The following TEX11 variants were observed in gnomAD, a reference collection of about 807,000 sequenced individuals.
TEX11 encodes the protein testis-expressed protein 11.
A neutral mutation model predicts 84.4 loss-of-function variants in TEX11; 7 were observed. That is an observed-to-expected ratio of 0.08 (90% CI 0.05 to 0.16). The LOEUF is 0.16. Ranked by LOEUF, TEX11 falls within the 10% of genes least tolerant of loss-of-function variation. TEX11 has a pLI of 1.00. For synonymous variants in TEX11, 264 were observed against 222.8 expected (o/e 1.18, Z -1.64); for missense variants, 551 against 660.5 (o/e 0.83, Z 1.82).
rs766158578 is a variant in TEX11, at chrX:70,553,431, A to T, written c.2291-17T>A. On this transcript the variant is annotated splice_polypyrimidine_tract_variant and intron_variant, in intron 26 of 29. Coordinates refer to ENST00000374333, the MANE Select transcript of TEX11 (RefSeq NM_031276.3). Reference sequence around the variant, plus strand: ...TTGCTATTACTAGAGTAAGAAAAGGAAAAAGGTTGTGAACATGATAATGTC... The same window carrying T: ...TTGCTATTACTAGAGTAAGAAAAGGTAAAAGGTTGTGAACATGATAATGTC... 1 of 1,114,182 alleles carries T rather than the reference A, an allele frequency of 9.0e-7. No individual in the cohort carries two copies. The highest frequency in any genetic ancestry group is 2.0e-5 in the South Asian group (1 of 49,152). The allele number at this position is 1,114,182 out of a possible 1,213,427, so 91.8% of individuals were successfully genotyped here.
chrX:70,883,633 G>T (rs971797099), intron 2 of TEX11, among the ~76,000 whole-genome samples: 11 of 111,305 alleles, frequency 9.9e-5, no homozygotes, highest in Non-Finnish European at 1.5e-4. Flanking sequence ...CTGTATTAAG[G>T]TTTTGTCAAG....
At chrX:70,705,802 G>A (rs1317004458) in intron 13 of TEX11, among the ~76,000 whole-genome samples, 1 of 111,433 alleles carries the variant, frequency 9.0e-6, no homozygotes, top group African/African-American at 3.3e-5. Context: ...AAAAAGTCAG[G>A]AAACAACAGG....
chrX:70,675,818 C>T (rs1336976210), intron 15 of TEX11, among the ~76,000 whole-genome samples: 6 of 110,829 alleles, frequency 5.4e-5, no homozygotes, highest in African/African-American at 1.6e-4. Flanking sequence ...TTAGTAGAGA[C>T]GGGGTTTCAC....
chrX:70,573,653 C>T (rs1050107788), intron 25 of TEX11, among the ~76,000 whole-genome samples: 1 of 111,267 alleles, frequency 9.0e-6, no homozygotes, highest in African/African-American at 3.3e-5. Context: ...GCAAAGACTG[C>T]CTGCAAAGGA....
rs1485083458 is a variant in TEX11 at position 70,528,965 on chromosome X, A to G, written c.*130T>C. 6 of 488,406 alleles carry G rather than the reference A, an allele frequency of 1.2e-5. No homozygotes were observed. Among genetic ancestry groups the G allele is most frequent in the African/African-American group, 1.2e-4 (5 of 41,289 alleles). 40.3% of individuals were successfully genotyped at this position (488,406 alleles called of 1,213,427 possible). A position where few individuals can be genotyped will look rare whatever the true frequency, so the allele number is the denominator to read the frequency against. ...TAAATTCAGCATGCTTTTATTTTAG[A>G]AAGTTTATTCAACAACATGAAAACA... On this transcript the variant is annotated 3_prime_UTR_variant, in exon 30 of 30. Coordinates refer to ENST00000374333, the MANE Select transcript of TEX11 (RefSeq NM_031276.3).
intron 25 of TEX11, among the ~76,000 whole-genome samples, chrX:70,557,028 G>A (rs1452756489): frequency 1.8e-5 from 2 of 109,252 alleles, no homozygotes; most frequent in Admixed American, 2.0e-4. Flanking sequence ...AAACTCCTGA[G>A]CTCAAGTGAT....
At chrX:70,733,849 G>A (rs917691130) in intron 11 of TEX11, among the ~76,000 whole-genome samples, 11 of 111,399 alleles carry the variant, frequency 9.9e-5, no homozygotes, top group Non-Finnish European at 1.9e-4. Flanking sequence ...AAAGACATAC[G>A]CACACGTATG....
At chrX:70,767,859 A>G (rs1016244677) in intron 9 of TEX11, among the ~76,000 whole-genome samples, 3 of 111,578 alleles carry the variant, frequency 2.7e-5, no homozygotes, top group African/African-American at 9.8e-5. Context: ...ATGTTAAGTG[A>G]AATAAGCCAG....
intron 8 of TEX11, among the ~76,000 whole-genome samples, chrX:70,809,385 G>A (rs2091238688): frequency 8.9e-6 from 1 of 111,942 alleles, no homozygotes; most frequent in Admixed American, 9.5e-5. Context: ...ACACTGGAGT[G>A]TAAACACTAA....
Position 70,546,868 on chromosome X carries a change from C to G in TEX11, c.2520+5258G>C, listed in dbSNP as rs754113929. Among the ~76,000 whole-genome samples, 9 of 109,499 alleles carry G rather than the reference C, an allele frequency of 8.2e-5. No homozygotes were observed. The East Asian group carries it at 2.6e-3, about 31-fold the overall frequency. Reference sequence around the variant, plus strand: ...ACAATTCCATTCCTAGGTATATATTCAAGAGAATTAAACACATATGCTCAC... The same window carrying G: ...ACAATTCCATTCCTAGGTATATATTGAAGAGAATTAAACACATATGCTCAC... On this transcript the variant is annotated intron_variant, in intron 28 of 29. Coordinates refer to ENST00000374333, the MANE Select transcript of TEX11 (RefSeq NM_031276.3).
chrX:70,704,878 T>C (rs760364201), intron 13 of TEX11, among the ~76,000 whole-genome samples: 1 of 111,911 alleles, frequency 8.9e-6, no homozygotes, highest in African/African-American at 3.2e-5. Context: ...CCCATGCCTA[T>C]GTCCTGAATG....
intron 9 of TEX11, 40 bp from the exon 10 acceptor site, chrX:70,744,259 A>T: frequency 1.9e-6 from 1 of 540,132 alleles, no homozygotes; most frequent in Non-Finnish European, 2.5e-6. Flanking sequence ...TATATATATA[A>T]ACATATATCC....
intron 9 of TEX11, among the ~76,000 whole-genome samples, chrX:70,775,799 C>A (rs866040348): frequency 9.1e-5 from 4 of 44,067 alleles, no homozygotes; most frequent in African/African-American, 9.3e-5. Flanking sequence ...GACTCCGTCT[C>A]AAAAAAAAAA....
At chrX:70,516,739 C>T in the TEX11 span, among the ~76,000 whole-genome samples, 114 of 110,363 alleles carry the variant, frequency 1.0e-3, 1 homozygote, top group South Asian at 0.045. Flanking sequence ...GATATTGATT[C>T]TTCCTACCCA....
At position 70,873,334 on chromosome X, in the gene TEX11, T is replaced by A. The variant is rs772528691; in HGVS notation, c.160-27A>T. Reference sequence around the variant, plus strand: ...TGGTCAAAGAGAAACATTTCCTTAGTTAGTTAAAATACTGGCCACCTCCAA... The same window carrying A: ...TGGTCAAAGAGAAACATTTCCTTAGATAGTTAAAATACTGGCCACCTCCAA... On this transcript the variant is annotated intron_variant, in intron 3 of 29. Transcript: ENST00000374333. The A allele has an allele frequency of 5.3e-5, 53 of 992,826 alleles. No homozygotes were observed. The Admixed American group carries it at 9.3e-4, about 17-fold the overall frequency. 81.8% of individuals were successfully genotyped at this position (992,826 alleles called of 1,213,427 possible). A position where few individuals can be genotyped will look rare whatever the true frequency, so the allele number is the denominator to read the frequency against.
At chrX:70,878,451 G>A (rs1192112967) in intron 3 of TEX11, among the ~76,000 whole-genome samples, 2 of 110,543 alleles carry the variant, frequency 1.8e-5, no homozygotes, top group South Asian at 3.9e-4. Context: ...GATTACAGGC[G>A]TGAGTCACCG....
chrX:70,520,608 G>C, the TEX11 span, among the ~76,000 whole-genome samples: 2 of 112,652 alleles, frequency 1.8e-5, no homozygotes, highest in Admixed American at 9.4e-5. Context: ...GGACCCACTT[G>C]AGAAGGCAGT....
At chrX:70,786,886 G>A (rs1182315281) in intron 9 of TEX11, among the ~76,000 whole-genome samples, 1 of 111,894 alleles carries the variant, frequency 8.9e-6, no homozygotes, top group Non-Finnish European at 1.9e-5. Flanking sequence ...TATAATCCCA[G>A]CACCGTGGGA....
intron 8 of TEX11, among the ~76,000 whole-genome samples, chrX:70,827,443 T>C (rs1027537213): frequency 1.8e-5 from 2 of 110,867 alleles, no homozygotes; most frequent in African/African-American, 3.3e-5. Flanking sequence ...GCTCTTGGGG[T>C]CCCCAAATCC....
Sources: gnomAD v4.1 joint callset for allele counts (sites outside exome capture counted in the v4.1 genomes callset) on GRCh38, gnomAD v4.1.1 for gene constraint, MANE v1.5 for transcripts, NCBI Gene and HGNC (gene_info 2026-07-23, HGNC 2026-07-21) for gene names.